The following NLGN1 variants were observed in gnomAD, a reference collection of about 807,000 sequenced individuals.
The protein encoded by NLGN1 is neuroligin-1.
A neutral mutation model predicts 65.5 loss-of-function variants in NLGN1; 12 were observed. The ratio of observed to expected loss-of-function variants is 0.18; its 90% CI spans 0.12 to 0.30. NLGN1 has a LOEUF of 0.30. Ranked by LOEUF, NLGN1 falls within the 10% of genes least tolerant of loss-of-function variation. The pLI is 1.00. For missense variants in NLGN1, 750 were observed against 1,007.1 expected (o/e 0.74, Z 3.46); for synonymous variants, 350 against 359.5 (o/e 0.97, Z 0.30).
At chr3:173,915,689 T>C (rs1280771639) in intron 4 of NLGN1, among the ~76,000 whole-genome samples, 1 of 152,184 alleles carries the variant, frequency 6.6e-6, no homozygotes, top group Non-Finnish European at 1.5e-5. Flanking sequence ...TTGCTAGAAA[T>C]AGTCGTGGGA....
At chr3:173,545,562 G>A (rs746240973) in intron 2 of NLGN1, among the ~76,000 whole-genome samples, 27 of 152,148 alleles carry the variant, frequency 1.8e-4, no homozygotes, top group Middle Eastern at 6.8e-3. Context: ...AAATCTGAGG[G>A]TAATGGCCCC....
chr3:173,995,401 G>A (rs939126745), intron 4 of NLGN1, among the ~76,000 whole-genome samples: 4 of 152,122 alleles, frequency 2.6e-5, no homozygotes, highest in African/African-American at 9.7e-5. Flanking sequence ...TACAAATCCA[G>A]CTGCATAAAG....
chr3:173,767,154 G>A (rs1778899152), intron 3 of NLGN1, among the ~76,000 whole-genome samples: 2 of 152,120 alleles, frequency 1.3e-5, no homozygotes, highest in Admixed American at 1.3e-4. Flanking sequence ...AGAAGGGACT[G>A]GCGTGTTTTT....
At chr3:173,971,019 G>T (rs1341572046) in intron 4 of NLGN1, among the ~76,000 whole-genome samples, 1 of 152,102 alleles carries the variant, frequency 6.6e-6, no homozygotes, top group Non-Finnish European at 1.5e-5. Context: ...TGTCAGCAAT[G>T]TTGTATGGAA....
chr3:173,925,831 A>C (rs1280954554), intron 4 of NLGN1, among the ~76,000 whole-genome samples: 1 of 152,148 alleles, frequency 6.6e-6, no homozygotes, highest in East Asian at 1.9e-4. Context: ...ATCAGCACCC[A>C]GATTAAGAAA....
intron 4 of NLGN1, among the ~76,000 whole-genome samples, chr3:174,211,831 T>C (rs1463636684): frequency 2.0e-5 from 3 of 152,196 alleles, no homozygotes; most frequent in African/African-American, 4.8e-5. Flanking sequence ...AGGGTGCTGA[T>C]TGGTGTGTTT....
chr3:174,035,043 T>A (rs995476051), intron 4 of NLGN1, among the ~76,000 whole-genome samples: 8 of 152,276 alleles, frequency 5.3e-5, no homozygotes, highest in South Asian at 2.1e-4. Context: ...GGACAAGGAA[T>A]AATTATCAGG....
intron 2 of NLGN1, among the ~76,000 whole-genome samples, chr3:173,583,121 G>A (rs1746665309): frequency 6.6e-6 from 1 of 152,096 alleles, no homozygotes; most frequent in South Asian, 2.1e-4. Flanking sequence ...CATTGCCTCA[G>A]TTACTGTTAT....
At chr3:173,539,657 G>GTATATATGTACATATATAACATACA in intron 2 of NLGN1, among the ~76,000 whole-genome samples, 1 of 124,276 alleles carries the variant, frequency 8.0e-6, no homozygotes, top group African/African-American at 3.3e-5. Context: ...TATAACATAT[G>GTATATATGTACATATATAACATACA]TGTATATATG....
chr3:173,741,920 G>T (rs1244848215), intron 3 of NLGN1, among the ~76,000 whole-genome samples: 1 of 152,088 alleles, frequency 6.6e-6, no homozygotes, highest in South Asian at 2.1e-4. Context: ...CATACACTGC[G>T]TCCCCGTAAT....
At chr3:173,648,643 C>T (rs1291648781) in intron 3 of NLGN1, among the ~76,000 whole-genome samples, 1 of 151,924 alleles carries the variant, frequency 6.6e-6, no homozygotes. Context: ...GGCCCTATCT[C>T]AGCTCACTGC....
chr3:173,606,429 T>C (rs983271961), intron 3 of NLGN1, among the ~76,000 whole-genome samples: 2 of 152,120 alleles, frequency 1.3e-5, no homozygotes, highest in East Asian at 3.9e-4. Context: ...TGGCAGTAAA[T>C]CATCTAAGTG....
chr3:173,996,536 A>C (rs1722313507), intron 4 of NLGN1, among the ~76,000 whole-genome samples: 1 of 152,210 alleles, frequency 6.6e-6, no homozygotes, highest in Non-Finnish European at 1.5e-5. Context: ...AAGGTTGGCC[A>C]GTGAAATAAG....
At chr3:173,826,657 A>G (rs934466077) in intron 4 of NLGN1, among the ~76,000 whole-genome samples, 4 of 152,096 alleles carry the variant, frequency 2.6e-5, no homozygotes, top group African/African-American at 9.7e-5. Flanking sequence ...TTGAAAAACA[A>G]CTAGGTAATT....
chr3:173,432,597 T>G (rs1717391707), intron 1 of NLGN1, among the ~76,000 whole-genome samples: 2 of 152,186 alleles, frequency 1.3e-5, no homozygotes, highest in South Asian at 4.1e-4. Context: ...TTGTTGAGTT[T>G]TAAGAGTTCC....
chr3:174,006,356 T>C (rs291933), intron 4 of NLGN1, among the ~76,000 whole-genome samples: 35,902 of 152,098 alleles, frequency 0.24, 4,762 homozygotes, highest in East Asian at 0.47. Context: ...CTGTCCCTCA[T>C]TCAAGAGTTA....
Position 173,974,696 on chromosome 3 carries a change from T to C in NLGN1, c.646+166864T>C, listed in dbSNP as rs76232668. ...AAGATTCCTTCCTGAGTCTTTTAAG[T>C]TTGAAGAATTTGTTACATATGTTGG... is the stretch of plus-strand genomic sequence containing the variant. On this transcript the variant is annotated intron_variant, in intron 4 of 6. Coordinates refer to ENST00000457714, the Ensembl canonical transcript of NLGN1. Among the ~76,000 whole-genome samples the C allele has an allele frequency of 8.3e-3, 1,266 of 152,162 alleles. 18 individuals are homozygous for C. The highest frequency in any genetic ancestry group is 0.029 in the African/African-American group (1,197 of 41,526).
At chr3:174,156,293 T>C (rs1225824620) in intron 4 of NLGN1, among the ~76,000 whole-genome samples, 1 of 151,928 alleles carries the variant, frequency 6.6e-6, no homozygotes, top group Non-Finnish European at 1.5e-5. Context: ...TCCGGAACAT[T>C]GTATTTCTCT....
At chr3:174,156,767 A>C (rs1725523475) in intron 4 of NLGN1, among the ~76,000 whole-genome samples, 1 of 151,706 alleles carries the variant, frequency 6.6e-6, no homozygotes, top group African/African-American at 2.4e-5. Context: ...ATTTGTGATT[A>C]ATGTCAAAAT....
Sources: gnomAD v4.1 joint callset for allele counts (sites outside exome capture counted in the v4.1 genomes callset) on GRCh38, gnomAD v4.1.1 for gene constraint, MANE v1.5 for transcripts, NCBI Gene and HGNC (gene_info 2026-07-23, HGNC 2026-07-21) for gene names.